Variants in LRP1B observed in about 807,000 individuals in gnomAD.
LRP1B encodes the protein LDL receptor related protein 1B.
A neutral mutation model predicts 556.6 loss-of-function variants in LRP1B; 217 were observed. The ratio of observed to expected loss-of-function variants is 0.39; its 90% CI spans 0.35 to 0.44. The LOEUF (loss-of-function observed/expected upper bound fraction) is 0.44, where lower values mean the gene tolerates loss of function less well. Among genes scored for constraint, LRP1B ranks in the 20% least tolerant of loss-of-function variants. The pLI is 1.00. For synonymous variants in LRP1B, 2,047 were observed against 1,865.8 expected (o/e 1.10, Z -2.50); for missense variants, 5,053 against 5,620.8 (o/e 0.90, Z 3.23).
chr2:141,196,835 G>A (rs1681773441), intron 6 of LRP1B, among the ~76,000 whole-genome samples: 2 of 152,058 alleles, frequency 1.3e-5, no homozygotes, highest in Admixed American at 6.6e-5. Flanking sequence ...TATTAGTCCT[G>A]AGACTTACTG....
intron 5 of LRP1B, among the ~76,000 whole-genome samples, chr2:141,240,120 TA>T (rs1172784784): frequency 6.6e-6 from 1 of 152,060 alleles, no homozygotes; most frequent in Non-Finnish European, 1.5e-5. Context: ...TACACACATT[TA>T]AAAATGAAAT....
chr2:141,472,549 TTAAAA>T (rs1559090297), intron 3 of LRP1B, among the ~76,000 whole-genome samples: 1 of 151,834 alleles, frequency 6.6e-6, no homozygotes, highest in Non-Finnish European at 1.5e-5. Context: ...TCAAAAAAAA[TTAAAA>T]TCAAATCAAA....
chr2:140,610,764 T>C (rs1454806539), intron 41 of LRP1B, among the ~76,000 whole-genome samples: 1 of 152,116 alleles, frequency 6.6e-6, no homozygotes. Flanking sequence ...TTTTTGTATT[T>C]TTAGTGGAGA....
intron 72 of LRP1B, among the ~76,000 whole-genome samples, chr2:140,359,595 GT>G (rs1682411872): frequency 6.6e-6 from 1 of 151,594 alleles, no homozygotes; most frequent in African/African-American, 2.4e-5. Flanking sequence ...GGAAGTATCT[GT>G]CATTAGTCTT....
intron 7 of LRP1B, among the ~76,000 whole-genome samples, chr2:141,077,060 T>C (rs947032443): frequency 3.3e-5 from 5 of 151,980 alleles, no homozygotes; most frequent in African/African-American, 9.7e-5. Flanking sequence ...GCCTGGCCAA[T>C]ATGGTGAAAC....
intron 3 of LRP1B, among the ~76,000 whole-genome samples, chr2:141,436,791 G>C (rs1680782706): frequency 6.6e-6 from 1 of 152,086 alleles, no homozygotes; most frequent in Non-Finnish European, 1.5e-5. Context: ...TAGAGGAGGT[G>C]GGAGGGAAGT....
At chr2:140,623,947 TTTATTTATG>T (rs1574155752) in intron 41 of LRP1B, among the ~76,000 whole-genome samples, 1 of 103,214 alleles carries the variant, frequency 9.7e-6, no homozygotes, top group East Asian at 3.0e-4. Context: ...TATATTATAT[TTTATTTATG>T]TATATATATA....
At chr2:140,804,226 A>G (rs1390497403) in intron 32 of LRP1B, among the ~76,000 whole-genome samples, 1 of 152,112 alleles carries the variant, frequency 6.6e-6, no homozygotes, top group African/African-American at 2.4e-5. Context: ...CTCCTTTCAA[A>G]TCAGATTTCA....
At chr2:140,514,617 T>G (rs763496820) in intron 51 of LRP1B, 36 bp downstream of exon 51, 1 of 1,583,502 alleles carries the variant, frequency 6.3e-7, no homozygotes, top group East Asian at 2.2e-5. Context: ...ATATAATGCT[T>G]AAAAACTGAT....
intron 6 of LRP1B, among the ~76,000 whole-genome samples, chr2:141,216,485 C>G (rs925171288): frequency 6.6e-6 from 1 of 152,164 alleles, no homozygotes; most frequent in African/African-American, 2.4e-5. Flanking sequence ...ACTCAGAGTT[C>G]CCAGTGGGGC....
At chr2:140,372,426 T>C (rs1683036981) in intron 69 of LRP1B, among the ~76,000 whole-genome samples, 1 of 152,240 alleles carries the variant, frequency 6.6e-6, no homozygotes, top group East Asian at 1.9e-4. Context: ...TTTCCACCAG[T>C]AATATTTTTC....
In LRP1B at chr2:141,722,317, G is replaced by A. The variant is rs138153651; in HGVS notation, c.205+87962C>T. On this transcript the variant is annotated intron_variant, in intron 2 of 90. Coordinates refer to ENST00000389484, the MANE Select transcript of LRP1B (RefSeq NM_018557.3). ...CGCTTGAACCTGGGAGGTGGAGGTT[G>A]CAGTGAGCCAAGATGGCGCCACTGC... Among the ~76,000 whole-genome samples, 1,051 of 152,270 alleles carry A rather than the reference G, an allele frequency of 6.9e-3. 6 individuals carry two copies. The highest frequency in any genetic ancestry group is 0.011 in the Non-Finnish European group (761 of 68,018).
intron 14 of LRP1B, among the ~76,000 whole-genome samples, chr2:141,006,219 T>C (rs1697570643): frequency 2.0e-5 from 3 of 152,070 alleles, no homozygotes; most frequent in Admixed American, 2.0e-4. Flanking sequence ...GTAAACGTAA[T>C]GTATAGTAAT....
At chr2:141,176,077 A>C (rs778891949) in intron 7 of LRP1B, among the ~76,000 whole-genome samples, 108 of 152,052 alleles carry the variant, frequency 7.1e-4, no homozygotes, top group Non-Finnish European at 2.5e-4. Flanking sequence ...CCTCCATTGT[A>C]TCTTGGATAT....
intron 2 of LRP1B, among the ~76,000 whole-genome samples, chr2:141,574,695 A>G (rs1274603007): frequency 6.6e-6 from 1 of 152,168 alleles, no homozygotes; most frequent in Non-Finnish European, 1.5e-5. Flanking sequence ...ATTATTTTAT[A>G]TTAAGAAAAC....
At chr2:141,904,353 T>C (rs896339010) in intron 1 of LRP1B, among the ~76,000 whole-genome samples, 1 of 151,806 alleles carries the variant, frequency 6.6e-6, no homozygotes, top group Non-Finnish European at 1.5e-5. Flanking sequence ...CACTTACTGA[T>C]AGCAAGGGTG....
intron 1 of LRP1B, among the ~76,000 whole-genome samples, chr2:141,939,849 T>C (rs2105012129): frequency 6.6e-6 from 1 of 152,252 alleles, no homozygotes; most frequent in Non-Finnish European, 1.5e-5. Flanking sequence ...AAGTCAGTTG[T>C]TAAACATTTA....
chr2:142,085,090 T>G (rs922636221), intron 1 of LRP1B, among the ~76,000 whole-genome samples: 25 of 152,310 alleles, frequency 1.6e-4, no homozygotes, highest in African/African-American at 6.0e-4. Context: ...AATTTACAAC[T>G]CAGAAATTCT....
chr2:140,806,678 C>A (rs1690727411), intron 32 of LRP1B, among the ~76,000 whole-genome samples: 1 of 152,146 alleles, frequency 6.6e-6, no homozygotes, highest in Admixed American at 6.6e-5. Context: ...CAGTGATTCT[C>A]TATTTAGACA....
Sources: allele counts gnomAD v4.1 joint callset (sites outside exome capture counted in the v4.1 genomes callset), GRCh38; gene constraint gnomAD v4.1.1; transcripts MANE v1.5; gene names NCBI Gene and HGNC (gene_info 2026-07-23, HGNC 2026-07-21).